GYS2: variants seen among roughly 807,000 people sequenced by gnomAD.
GYS2 encodes the protein glycogen [starch] synthase, liver.
GYS2 carries 80 observed loss-of-function variants against 85.6 expected under a neutral mutation model. That is an observed-to-expected ratio of 0.93 (90% CI 0.78 to 1.13). The LOEUF is 1.13. GYS2 is among the 50% of genes most tolerant of loss of function. GYS2 has a pLI of 0.00. For synonymous variants in GYS2, 328 were observed against 300.7 expected (o/e 1.09, Z -0.94); for missense variants, 881 against 854.9 (o/e 1.03, Z -0.38).
At chr12:21,599,639 T>C (rs1944733271) in intron 1 of GYS2, among the ~76,000 whole-genome samples, 1 of 152,214 alleles carries the variant, frequency 6.6e-6, no homozygotes, top group Non-Finnish European at 1.5e-5. Flanking sequence ...TGAGATGCCA[T>C]TGACATGGCC....
At chr12:21,557,968 A>C in intron 11 of GYS2, among the ~76,000 whole-genome samples, 1 of 152,210 alleles carries the variant, frequency 6.6e-6, no homozygotes, top group East Asian at 1.9e-4. Context: ...TGTACAGTGG[A>C]AATAAATGCT....
At chr12:21,540,073 G>A (rs796478112) in intron 14 of GYS2, among the ~76,000 whole-genome samples, 10 of 152,272 alleles carry the variant, frequency 6.6e-5, no homozygotes, top group African/African-American at 2.4e-4. Context: ...TCTCTAGAGA[G>A]AAACAAAGTA....
chr12:21,541,681 C>T (rs1237304020), intron 13 of GYS2, among the ~76,000 whole-genome samples: 1 of 151,984 alleles, frequency 6.6e-6, no homozygotes, highest in Admixed American at 6.6e-5. Flanking sequence ...ATCTGTGGGC[C>T]ACATATTTAA....
At chr12:21,553,347 C>T (rs908518269) in intron 11 of GYS2, among the ~76,000 whole-genome samples, 14 of 152,232 alleles carry the variant, frequency 9.2e-5, no homozygotes, top group Non-Finnish European at 1.5e-5. Flanking sequence ...TAAATACAGT[C>T]TTCATGGACT....
At chr12:21,549,358 C>T (rs1944079472) in intron 11 of GYS2, among the ~76,000 whole-genome samples, 1 of 152,180 alleles carries the variant, frequency 6.6e-6, no homozygotes, top group South Asian at 2.1e-4. Context: ...CATATATTTT[C>T]AGAACCATTC....
At position 21,536,916 on chromosome 12, in the gene GYS2, CT is replaced by C; in HGVS notation, c.*37del. 7.0e-7 allele frequency: 1 copy of C among 1,427,456 alleles called. No individual in the cohort carries two copies. The highest frequency in any genetic ancestry group is 9.9e-7 in the Non-Finnish European group (1 of 1,011,086). 88.4% of individuals were successfully genotyped at this position (1,427,456 alleles called of 1,614,324 possible). ...ATTTTAAATAATTAGTCTTACTTTG[CT>C]TTTTTAAATTAGCTCTTCATGCAGC... On this transcript the variant is annotated 3_prime_UTR_variant, in exon 16 of 16. Coordinates refer to ENST00000261195, the MANE Select transcript of GYS2 (RefSeq NM_021957.4).
chr12:21,563,329 G>A lies in GYS2; in HGVS notation c.840C>T (p.Asn280=), dbSNP rs148986381. 3.3e-5 allele frequency: 53 copies of A among 1,590,680 alleles called. No homozygotes were observed. Among genetic ancestry groups the A allele is most frequent in the African/African-American group, 1.3e-4 (10 of 74,554 alleles). ...LKRKPDVVTP[N]GLNVKKFSAV... ...CTGAAAATTTCTTAACATTCAAGCC[G>A]TTTGGAGTAACTACATCTAGAAAGG... The change falls in exon 6 of 16, where the codon AAC becomes AAT. Residue 280 remains asparagine (N), a synonymous_variant. Transcript: ENST00000261195.
At chr12:21,543,624 C>T (rs1455856987) in intron 12 of GYS2, among the ~76,000 whole-genome samples, 9 of 151,864 alleles carry the variant, frequency 5.9e-5, no homozygotes, top group Admixed American at 6.6e-5. Context: ...ATGTGCTGAA[C>T]GTGCAGGTTC....
At chr12:21,556,930 A>T (rs373554880) in intron 11 of GYS2, among the ~76,000 whole-genome samples, 1 of 152,220 alleles carries the variant, frequency 6.6e-6, no homozygotes, top group Non-Finnish European at 1.5e-5. Flanking sequence ...ATAGATAGCA[A>T]GAGAAGAAGC....
rs1307072088 is a variant in GYS2 at position 21,560,545 on chromosome 12, A to T, written c.1063-53T>A. ...CAACTATCAAAGATTTTTAAAAAGTATGATAGATGGAACTTAAACATTGAA... is the reference window on the plus strand; with the variant it reads ...CAACTATCAAAGATTTTTAAAAAGTTTGATAGATGGAACTTAAACATTGAA... On this transcript the variant is annotated intron_variant, in intron 7 of 15. Transcript: ENST00000261195. 4.7e-6 allele frequency: 4 copies of T among 855,408 alleles called. No homozygotes were observed. In the East Asian group the frequency reaches 9.7e-5, roughly 21 times the overall value. 53.0% of individuals were successfully genotyped at this position (855,408 alleles called of 1,614,324 possible).
intron 10 of GYS2, 126 bp downstream of exon 10, chr12:21,558,965 G>A (rs551800715): frequency 4.1e-5 from 25 of 615,448 alleles, no homozygotes; most frequent in African/African-American, 3.7e-4. Flanking sequence ...AAGTGACTAT[G>A]TAAGAATGTC....
chr12:21,568,828 G>T, intron 5 of GYS2, 37 bp downstream of exon 5: 3 of 1,577,594 alleles, frequency 1.9e-6, no homozygotes, highest in Non-Finnish European at 2.6e-6. Flanking sequence ...AACATCATTC[G>T]GAACTGAAAG....
chr12:21,590,385 T>C (rs1191515629), intron 1 of GYS2, among the ~76,000 whole-genome samples: 2 of 152,116 alleles, frequency 1.3e-5, no homozygotes, highest in Non-Finnish European at 1.5e-5. Context: ...CCATGACTGG[T>C]ACCTAAGCAA....
At chr12:21,588,963 T>C (rs1007337812) in intron 1 of GYS2, among the ~76,000 whole-genome samples, 1 of 152,246 alleles carries the variant, frequency 6.6e-6, no homozygotes, top group African/African-American at 2.4e-5. Flanking sequence ...TCAAAACCAC[T>C]ATCCACAAAA....
intron 12 of GYS2, among the ~76,000 whole-genome samples, chr12:21,545,212 G>C (rs1221577020): frequency 6.6e-6 from 1 of 152,200 alleles, no homozygotes; most frequent in Non-Finnish European, 1.5e-5. Flanking sequence ...GGGAGCCAAG[G>C]CAGGTGGATC....
intron 1 of GYS2, among the ~76,000 whole-genome samples, chr12:21,585,797 C>A (rs1226110296): frequency 6.6e-6 from 1 of 152,124 alleles, no homozygotes; most frequent in South Asian, 2.1e-4. Flanking sequence ...TTTCCTTTAT[C>A]ATGTGACATA....
chr12:21,567,339 A>G (rs1219786396), intron 5 of GYS2, among the ~76,000 whole-genome samples: 1 of 152,172 alleles, frequency 6.6e-6, no homozygotes, highest in African/African-American at 2.4e-5. Flanking sequence ...TTGTGAGCTC[A>G]GAGAAAGATA....
At chr12:21,584,227 G>A (rs1025935793) in intron 1 of GYS2, among the ~76,000 whole-genome samples, 1 of 152,196 alleles carries the variant, frequency 6.6e-6, no homozygotes, top group Non-Finnish European at 1.5e-5. Context: ...ACTTATTCAT[G>A]GGCTGTAGCC....
chr12:21,568,082 A>G (rs964675641), intron 5 of GYS2, among the ~76,000 whole-genome samples: 1 of 152,022 alleles, frequency 6.6e-6, no homozygotes, highest in African/African-American at 2.4e-5. Context: ...AAAAAAAAAA[A>G]AGAAAAAGGG....
Sources: gnomAD v4.1 joint callset for allele counts (sites outside exome capture counted in the v4.1 genomes callset) on GRCh38, gnomAD v4.1.1 for gene constraint, MANE v1.5 for transcripts, NCBI Gene and HGNC (gene_info 2026-07-23, HGNC 2026-07-21) for gene names.